DPY19L2: variants seen among roughly 807,000 people sequenced by gnomAD.
DPY19L2 encodes probable C-mannosyltransferase DPY19L2.
A neutral mutation model predicts 97.9 loss-of-function variants in DPY19L2; 34 were observed. The ratio of observed to expected loss-of-function variants is 0.35; its 90% CI spans 0.26 to 0.46. The LOEUF (loss-of-function observed/expected upper bound fraction) is 0.46. Ranked by LOEUF, DPY19L2 falls within the 20% of genes least tolerant of loss-of-function variation. The probability of loss-of-function intolerance (pLI) is 1.00; values close to 1 mark genes in which losing one functional copy is unlikely to be tolerated. For missense variants in DPY19L2, 623 were observed against 911.4 expected, an observed-to-expected ratio of 0.68 and a Z score of 4.07; for synonymous variants, 230 against 307.9, an observed-to-expected ratio of 0.75 and a Z score of 2.65.
intron 11 of DPY19L2, among the ~76,000 whole-genome samples, chr12:63,613,958 G>A (rs953543793): frequency 5.9e-5 from 9 of 151,918 alleles, no homozygotes; most frequent in African/African-American, 2.2e-4. Context: ...GGGAGGCAGA[G>A]GCAGGCAGAT....
chr12:63,617,194 T>A (rs1411200952), intron 11 of DPY19L2, 110 bp downstream of exon 11: 4 of 636,104 alleles, frequency 6.3e-6, no homozygotes, highest in Non-Finnish European at 1.1e-5. Context: ...TTTTGTCATG[T>A]TGAGTGATAA....
intron 13 of DPY19L2, among the ~76,000 whole-genome samples, chr12:63,599,956 G>C (rs141521924): frequency 6.8e-4 from 104 of 152,234 alleles, no homozygotes; most frequent in Admixed American, 5.0e-3. Context: ...TTTCAAAGCT[G>C]AGGACAGCCT....
Position 63,560,866 on chromosome 12 carries a change from C to T in DPY19L2, c.2127-204G>A, listed in dbSNP as rs747421982. Reference sequence around the variant, plus strand: ...TGTTGCATTTTCACATCTCATTTAACCAAGGGAAAGACATATCCTAATAAT... The same window carrying T: ...TGTTGCATTTTCACATCTCATTTAATCAAGGGAAAGACATATCCTAATAAT... On this transcript the variant is annotated intron_variant, in intron 21 of 21. Coordinates refer to ENST00000324472, the MANE Select transcript of DPY19L2 (RefSeq NM_173812.5). 1.8e-4 allele frequency among the ~76,000 whole-genome samples: 27 copies of T among 152,144 alleles called. 1 individual carries two copies. Among genetic ancestry groups the T allele is most frequent in the Non-Finnish European group, 3.7e-4 (25 of 67,992 alleles).
chr12:63,612,865 T>C (rs908008365), intron 11 of DPY19L2, among the ~76,000 whole-genome samples: 3 of 151,878 alleles, frequency 2.0e-5, no homozygotes, highest in African/African-American at 7.3e-5. Flanking sequence ...TATAGATACA[T>C]AAAAGAAATA....
At chr12:63,613,852 T>C (rs904994076) in intron 11 of DPY19L2, among the ~76,000 whole-genome samples, 1 of 152,090 alleles carries the variant, frequency 6.6e-6, no homozygotes, top group African/African-American at 2.4e-5. Context: ...TAACTTTTAA[T>C]AGCAACCCTT....
intron 3 of DPY19L2, among the ~76,000 whole-genome samples, chr12:63,662,564 T>C (rs899593921): frequency 8.5e-5 from 13 of 152,190 alleles, no homozygotes; most frequent in African/African-American, 2.9e-4. Context: ...CCATTCATTA[T>C]CTCCCTTCAT....
At chr12:63,567,487 T>C (rs1877968376) in intron 21 of DPY19L2, among the ~76,000 whole-genome samples, 1 of 152,098 alleles carries the variant, frequency 6.6e-6, no homozygotes, top group South Asian at 2.1e-4. Flanking sequence ...ACATGTATAT[T>C]TAATTTCTGT....
intron 21 of DPY19L2, among the ~76,000 whole-genome samples, chr12:63,563,300 C>T (rs1277737766): frequency 2.0e-5 from 3 of 152,146 alleles, no homozygotes; most frequent in Admixed American, 6.5e-5. Flanking sequence ...AATGTGTTCT[C>T]TTGTGGATCA....
intron 18 of DPY19L2, among the ~76,000 whole-genome samples, chr12:63,581,285 G>A (rs1372598458): frequency 6.6e-6 from 1 of 151,930 alleles, no homozygotes; most frequent in African/African-American, 2.4e-5. Flanking sequence ...ACGAAGTAAG[G>A]TGTTTGTAGA....
chr12:63,624,641 A>G (rs528889770), intron 7 of DPY19L2, among the ~76,000 whole-genome samples: 12 of 152,282 alleles, frequency 7.9e-5, no homozygotes, highest in South Asian at 6.2e-4. Flanking sequence ...ATGTACCGTA[A>G]AAAAAGGTTA....
At chr12:63,605,009 G>A (rs980597657) in intron 12 of DPY19L2, among the ~76,000 whole-genome samples, 8 of 151,936 alleles carry the variant, frequency 5.3e-5, no homozygotes, top group Non-Finnish European at 1.2e-4. Flanking sequence ...GGTTTATCAC[G>A]CAAGTCCTGG....
rs571591488 is a variant in DPY19L2, at chr12:63,571,596, G to A, written c.1901-739C>T. On this transcript the variant is annotated intron_variant, in intron 19 of 21. Coordinates refer to ENST00000324472, the MANE Select transcript of DPY19L2 (RefSeq NM_173812.5). ...TGTGGCTGGTGAACTGTGGTCCTGC[G>A]GATGTGCCATAAAAAAGGAAAGCAT... is the stretch of plus-strand genomic sequence containing the variant. Among the ~76,000 whole-genome samples the A allele has an allele frequency of 2.8e-4, 43 of 152,210 alleles. No homozygotes were observed. The South Asian group carries it at 8.1e-3, about 29-fold the overall frequency.
At chr12:63,566,173 A>T (rs1877650405) in intron 21 of DPY19L2, among the ~76,000 whole-genome samples, 2 of 151,956 alleles carry the variant, frequency 1.3e-5, no homozygotes, top group African/African-American at 4.8e-5. Flanking sequence ...GTCCTCTTTC[A>T]CTTTGAAATT....
At chr12:63,649,414 A>G (rs1356482990) in intron 4 of DPY19L2, among the ~76,000 whole-genome samples, 1 of 152,120 alleles carries the variant, frequency 6.6e-6, no homozygotes, top group African/African-American at 2.4e-5. Flanking sequence ...GAACAAATAA[A>G]TTTAATAGAC....
intron 15 of DPY19L2, among the ~76,000 whole-genome samples, chr12:63,594,463 T>TTGTGTGTGTGTGTG (rs770320993): frequency 1.1e-4 from 8 of 71,166 alleles, no homozygotes; most frequent in South Asian, 4.4e-4. Flanking sequence ...GAGAGAGAGA[T>TTGTGTGTGTGTGTG]AGTGTGTGTG....
chr12:63,653,817 G>C (rs187395146), intron 4 of DPY19L2, among the ~76,000 whole-genome samples: 3 of 152,026 alleles, frequency 2.0e-5, no homozygotes, highest in Admixed American at 6.6e-5. Flanking sequence ...ACCTAAAGGA[G>C]AAAAAGAATT....
chr12:63,633,814 T>A (rs1410600310), intron 6 of DPY19L2, among the ~76,000 whole-genome samples: 3 of 152,014 alleles, frequency 2.0e-5, no homozygotes, highest in African/African-American at 7.2e-5. Flanking sequence ...GGAACCAACC[T>A]AATGTCCAAC....
At chr12:63,580,361 T>A (rs1304131196) in intron 19 of DPY19L2, among the ~76,000 whole-genome samples, 1 of 152,114 alleles carries the variant, frequency 6.6e-6, no homozygotes, top group Non-Finnish European at 1.5e-5. Flanking sequence ...AATGCTATAA[T>A]GCTGTCTGAG....
chr12:63,644,427 A>T lies in DPY19L2; in HGVS notation c.779T>A (p.Phe260Tyr). 1 of 1,611,816 alleles carries T rather than the reference A, an allele frequency of 6.2e-7. No individual in the cohort carries two copies. Among genetic ancestry groups the T allele is most frequent in the African/African-American group, 1.3e-5 (1 of 74,952 alleles). ...FILNGLMMGL[F>Y]FMYGAYLSGT... Reference sequence around the variant, plus strand: ...CCTCAGGTATGCTCCATACATGAAGAACAATCCCATCATTAGTCCATTTAA... The same window carrying T: ...CCTCAGGTATGCTCCATACATGAAGTACAATCCCATCATTAGTCCATTTAA... The change falls in exon 6 of 22, where the codon TTC becomes TAC. Residue 260 changes from phenylalanine (F) to tyrosine (Y), a missense_variant. Phe to Tyr is a conservative substitution (Grantham distance 22, BLOSUM62 3). Transcript: ENST00000324472.
Sources: allele counts gnomAD v4.1 joint callset (sites outside exome capture counted in the v4.1 genomes callset), GRCh38; gene constraint gnomAD v4.1.1; transcripts MANE v1.5; gene names NCBI Gene and HGNC (gene_info 2026-07-23, HGNC 2026-07-21).